GALK2: variants seen among roughly 807,000 people sequenced by gnomAD.
The protein encoded by GALK2 is galactokinase 2, also known as N-acetylgalactosamine kinase.
A neutral mutation model predicts 52.4 loss-of-function variants in GALK2; 36 were observed. That is an observed-to-expected ratio of 0.69 (90% confidence interval 0.53 to 0.91). The LOEUF is 0.91. GALK2 is among the 40% of genes least tolerant of loss of function. The pLI is 0.00. For synonymous variants in GALK2, 176 were observed against 199.1 expected, an observed-to-expected ratio of 0.88 and a Z score of 0.98; for missense variants, 579 against 559.1, an observed-to-expected ratio of 1.04 and a Z score of -0.36.
intron 9 of GALK2, among the ~76,000 whole-genome samples, chr15:49,323,607 T>C (rs1478554907): frequency 2.0e-5 from 3 of 152,128 alleles, no homozygotes; most frequent in African/African-American, 4.8e-5. Context: ...ATACCTAAGT[T>C]GCTATACACA....
intron 1 of GALK2, among the ~76,000 whole-genome samples, chr15:49,164,358 A>T (rs1036475178): frequency 6.6e-6 from 1 of 152,112 alleles, no homozygotes; most frequent in Admixed American, 6.6e-5. Flanking sequence ...AAAAAAAAAA[A>T]ATTGCTTAAG....
intron 5 of GALK2, among the ~76,000 whole-genome samples, chr15:49,273,226 A>T (rs1339789061): frequency 6.6e-6 from 1 of 152,222 alleles, no homozygotes; most frequent in African/African-American, 2.4e-5. Context: ...GCTTAATGCA[A>T]ACTCTGTGGT....
At chr15:49,228,687 A>ATTTTTTTTTTTT (rs1174406561) in intron 3 of GALK2, among the ~76,000 whole-genome samples, 1 of 14,274 alleles carries the variant, frequency 7.0e-5, no homozygotes, top group African/African-American at 3.4e-4. Context: ...ATATATATAT[A>ATTTTTTTTTTTT]TTTTTTTTTT....
At chr15:49,211,913 C>A (rs77228015) in intron 2 of GALK2, among the ~76,000 whole-genome samples, 3,317 of 152,194 alleles carry the variant, frequency 0.022, 99 homozygotes, top group South Asian at 0.077. Context: ...TGGGTGGGGA[C>A]ACAGATCCAA....
chr15:49,231,400 A>C (rs966177116), intron 3 of GALK2, among the ~76,000 whole-genome samples: 1 of 152,172 alleles, frequency 6.6e-6, no homozygotes, highest in Non-Finnish European at 1.5e-5. Flanking sequence ...AAAACTGGGG[A>C]TTATAATTTG....
intron 5 of GALK2, among the ~76,000 whole-genome samples, chr15:49,274,971 C>CT (rs950285453): frequency 1.5e-4 from 23 of 148,758 alleles, no homozygotes; most frequent in Admixed American, 2.0e-4. Context: ...TTACAGTTAA[C>CT]TTTTTTTTTT....
In GALK2 at chr15:49,329,277, G is replaced by T; in HGVS notation, c.*1118G>T. ...GGGCAGAAATGTTTGGCTGGTGATG[G>T]CAAATGACTGGCTTTCTCTTGTGGA... On this transcript the variant is annotated 3_prime_UTR_variant, in exon 10 of 10. Coordinates refer to ENST00000560031, the MANE Select transcript of GALK2 (RefSeq NM_002044.4). 1.0e-6 allele frequency: 1 copy of T among 985,404 alleles called. No individual in the cohort carries two copies. The highest frequency in any genetic ancestry group is 1.2e-6 in the Non-Finnish European group (1 of 829,942). The allele number at this position is 985,404 out of a possible 1,614,324, so 61.0% of individuals were successfully genotyped here.
chr15:49,234,465 G>C (rs2090679396), intron 3 of GALK2, among the ~76,000 whole-genome samples: 1 of 152,206 alleles, frequency 6.6e-6, no homozygotes, highest in Non-Finnish European at 1.5e-5. Flanking sequence ...ATAAAGGAAA[G>C]AGGTTTAATT....
At chr15:49,268,189 A>G (rs528563790) in intron 5 of GALK2, among the ~76,000 whole-genome samples, 1 of 152,204 alleles carries the variant, frequency 6.6e-6, no homozygotes, top group African/African-American at 2.4e-5. Context: ...GCTTAGACTA[A>G]TGGAGGAAGA....
chr15:49,164,411 G>A (rs1398239426), intron 1 of GALK2, among the ~76,000 whole-genome samples: 1 of 152,038 alleles, frequency 6.6e-6, no homozygotes, highest in Non-Finnish European at 1.5e-5. Flanking sequence ...GGCAACATTG[G>A]ATGGTTATGA....
intron 1 of GALK2, among the ~76,000 whole-genome samples, chr15:49,174,278 G>A (rs898350541): frequency 1.1e-4 from 17 of 152,264 alleles, no homozygotes; most frequent in African/African-American, 4.1e-4. Context: ...CATTTAAAAT[G>A]TTGATAGCTC....
In GALK2 at chr15:49,322,739, T is replaced by C. The variant is rs112247834; in HGVS notation, c.1169+2934T>C. ...TTGGGAGGCCAAGGCGGGCAGATCATGAGGTCAGGAGATCGAGATCATCCT... is the reference window on the plus strand; with the variant it reads ...TTGGGAGGCCAAGGCGGGCAGATCACGAGGTCAGGAGATCGAGATCATCCT... On this transcript the variant is annotated intron_variant, in intron 9 of 9. Transcript: ENST00000560031. Among the ~76,000 whole-genome samples, 299 of 152,150 alleles carry C rather than the reference T, an allele frequency of 2.0e-3. 1 individual carries two copies. Among genetic ancestry groups the C allele is most frequent in the African/African-American group, 6.7e-3 (278 of 41,516 alleles).
At chr15:49,230,941 TAG>T (rs1366613424) in intron 3 of GALK2, among the ~76,000 whole-genome samples, 1 of 151,886 alleles carries the variant, frequency 6.6e-6, no homozygotes, top group East Asian at 1.9e-4. Context: ...AAAGGCTAGG[TAG>T]AGAGGTGAGA....
At chr15:49,273,212 G>T (rs1171113385) in intron 5 of GALK2, among the ~76,000 whole-genome samples, 1 of 152,212 alleles carries the variant, frequency 6.6e-6, no homozygotes, top group Non-Finnish European at 1.5e-5. Flanking sequence ...TGCAAACTCT[G>T]AGTGCTTAAT....
chr15:49,246,526 C>T (rs1183760190), intron 5 of GALK2, among the ~76,000 whole-genome samples: 1 of 152,040 alleles, frequency 6.6e-6, no homozygotes, highest in Non-Finnish European at 1.5e-5. Flanking sequence ...AGAGAAAACC[C>T]ATATTATCTT....
At chr15:49,266,061 A>G (rs2092349888) in intron 5 of GALK2, among the ~76,000 whole-genome samples, 1 of 152,302 alleles carries the variant, frequency 6.6e-6, no homozygotes, top group African/African-American at 2.4e-5. Context: ...TCATTAAGAC[A>G]TCTGATCTCA....
chr15:49,249,061 AT>A (rs1423194948), intron 5 of GALK2, among the ~76,000 whole-genome samples: 9 of 152,216 alleles, frequency 5.9e-5, no homozygotes, highest in Non-Finnish European at 8.8e-5. Flanking sequence ...GTTACACAGT[AT>A]TCAAATAATT....
intron 3 of GALK2, chr15:49,365,093 A>T: frequency 1.6e-6 from 1 of 627,310 alleles, no homozygotes; most frequent in South Asian, 2.1e-5. Context: ...TAGAAAATCA[A>T]TGACACATTA....
At chr15:49,287,075 A>G (rs141641175) in intron 7 of GALK2, among the ~76,000 whole-genome samples, 25 of 152,296 alleles carry the variant, frequency 1.6e-4, no homozygotes, top group Non-Finnish European at 3.5e-4. Context: ...GTTTTTTGAG[A>G]GTTAACTAGA....
Sources: gnomAD v4.1 joint callset for allele counts (sites outside exome capture counted in the v4.1 genomes callset) on GRCh38, gnomAD v4.1.1 for gene constraint, MANE v1.5 for transcripts, NCBI Gene and HGNC (gene_info 2026-07-23, HGNC 2026-07-21) for gene names.